CC2D2A: variants seen among roughly 807,000 people sequenced by gnomAD.
The protein encoded by CC2D2A is coiled-coil and C2 domain containing 2A, also known as coiled-coil and C2 domain-containing protein 2A.
In CC2D2A, 155 loss-of-function variants were observed where a neutral mutation model predicts 212.9. The observed-to-expected ratio is 0.73, with a 90% CI of 0.64 to 0.83. The LOEUF is 0.83. Among genes scored for constraint, CC2D2A ranks in the 40% least tolerant of loss-of-function variants. CC2D2A has a pLI of 0.00. For missense variants in CC2D2A, 1,856 were observed against 1,956.2 expected (o/e 0.95, Z 0.97); for synonymous variants, 667 against 686.5 (o/e 0.97, Z 0.44).
chr4:15,481,378 GC>G, intron 4 of CC2D2A: 1 of 358,982 alleles, frequency 2.8e-6, no homozygotes, highest in Non-Finnish European at 5.5e-6. Flanking sequence ...AGGCGTGGTG[GC>G]GCATGCCTGT....
rs548883595 is a variant in CC2D2A, at chr4:15,495,827, G to A, written c.248-6602G>A. 3.9e-5 allele frequency among the ~76,000 whole-genome samples: 6 copies of A among 152,232 alleles called. No homozygotes were observed. The South Asian group carries it at 6.2e-4, about 16-fold the overall frequency. On this transcript the variant is annotated intron_variant, in intron 4 of 36. Transcript: ENST00000424120. Reference sequence around the variant, plus strand: ...TTGCCAGACTGCTTTCCACAGTGGCGGAACTAATTTGCATTCCCACTCACA... The same window carrying A: ...TTGCCAGACTGCTTTCCACAGTGGCAGAACTAATTTGCATTCCCACTCACA...
At chr4:15,586,427 G>T (rs879042282) in intron 31 of CC2D2A, among the ~76,000 whole-genome samples, 181 bp downstream of exon 31, 2 of 152,132 alleles carry the variant, frequency 1.3e-5, no homozygotes, top group Non-Finnish European at 2.9e-5. Flanking sequence ...TCAAGGTTCA[G>T]AAGTTAACAA....
intron 21 of CC2D2A, among the ~76,000 whole-genome samples, chr4:15,558,798 ATGT>A (rs1719419859): frequency 6.6e-6 from 1 of 152,164 alleles, no homozygotes; most frequent in Non-Finnish European, 1.5e-5. Context: ...CTACAGCCAG[ATGT>A]TATATGATTA....
intron 14 of CC2D2A, among the ~76,000 whole-genome samples, chr4:15,534,344 GT>G (rs1028536020): frequency 6.6e-6 from 1 of 152,108 alleles, no homozygotes. Context: ...AAATACATTA[GT>G]TTTTTCTTTT....
intron 6 of CC2D2A, among the ~76,000 whole-genome samples, chr4:15,504,358 C>T (rs200406665): frequency 6.6e-6 from 1 of 152,034 alleles, no homozygotes; most frequent in Non-Finnish European, 1.5e-5. Flanking sequence ...TTTCTTACTA[C>T]AAAAGCCATA....
At chr4:15,472,172 G>C (rs1713874510) in intron 1 of CC2D2A, among the ~76,000 whole-genome samples, 2 of 152,194 alleles carry the variant, frequency 1.3e-5, no homozygotes, top group South Asian at 2.1e-4. Context: ...TTGGGATCAA[G>C]TTCTGAATGT....
At chr4:15,479,183 C>G (rs1373022705) in intron 3 of CC2D2A, 41 of 1,455,724 alleles carry the variant, frequency 2.8e-5, no homozygotes, top group Non-Finnish European at 3.7e-5. Context: ...GAAACTCCCT[C>G]TTTTTCCAAC....
rs1718243847 is a variant in CC2D2A at position 15,538,252 on chromosome 4, C to T, written c.2003+115C>T. 14 of 1,112,332 alleles carry T rather than the reference C, an allele frequency of 1.3e-5. No individual in the cohort carries two copies. In the South Asian group the frequency reaches 2.6e-4, roughly 21 times the overall value. 68.9% of individuals were successfully genotyped at this position (1,112,332 alleles called of 1,614,324 possible). A position where few individuals can be genotyped will look rare whatever the true frequency, so the allele number is the denominator to read the frequency against. The stretch of plus-strand genomic sequence containing the variant: ...GTGTACACTTACTGACCTACACGAG[C>T]ATCAGGAGTATCATTAACTCTAAAT... On this transcript the variant is annotated intron_variant, in intron 16 of 36. Transcript: ENST00000424120.
At chr4:15,473,455 T>C (rs1713969052) in intron 1 of CC2D2A, among the ~76,000 whole-genome samples, 1 of 151,992 alleles carries the variant, frequency 6.6e-6, no homozygotes, top group Admixed American at 6.5e-5. Flanking sequence ...AAAGGAGAAC[T>C]AGGTAGCAGG....
At chr4:15,579,793 T>TCAAACTACAAATTTAATTTAATAAATTA (rs1287577463) in intron 29 of CC2D2A, among the ~76,000 whole-genome samples, 175 bp from the exon 30 acceptor site, 1 of 152,210 alleles carries the variant, frequency 6.6e-6, no homozygotes, top group African/African-American at 2.4e-5. Flanking sequence ...GGTCTAATTT[T>TCAAACTACAAATTTAATTTAATAAATTA]CAAACTACAA....
chr4:15,579,879 A>G (rs1720579865), intron 29 of CC2D2A, 89 bp from the exon 30 acceptor site: 8 of 1,012,326 alleles, frequency 7.9e-6, no homozygotes, highest in Admixed American at 1.9e-5. Context: ...CCCAAACCAT[A>G]CATTTCCTGC....
intron 30 of CC2D2A, among the ~76,000 whole-genome samples, chr4:15,582,106 A>T (rs1720686995): frequency 6.6e-6 from 1 of 152,200 alleles, no homozygotes; most frequent in African/African-American, 2.4e-5. Flanking sequence ...ATTAAAAAAC[A>T]ATAGAGCATT....
At chr4:15,510,063 G>C (rs978250195) in intron 6 of CC2D2A, 76 bp from the exon 7 acceptor site, 3 of 1,080,810 alleles carry the variant, frequency 2.8e-6, no homozygotes, top group Non-Finnish European at 4.2e-6. Context: ...GGGATGGGGG[G>C]GTTAACCTTC....
chr4:15,549,667 G>A (rs1422355742), intron 17 of CC2D2A, among the ~76,000 whole-genome samples: 1 of 152,212 alleles, frequency 6.6e-6, no homozygotes, highest in Non-Finnish European at 1.5e-5. Flanking sequence ...GCCAGGCGTG[G>A]TGGTGGGCGC....
intron 18 of CC2D2A, among the ~76,000 whole-genome samples, chr4:15,552,148 G>C (rs115099469): frequency 1.3e-5 from 2 of 152,018 alleles, no homozygotes; most frequent in African/African-American, 4.8e-5. Context: ...TGCCCAGAGC[G>C]TTTTTACCAT....
rs144439937 is a variant in CC2D2A at position 15,533,245 on chromosome 4, A to G, written c.1519A>G (p.Lys507Glu). The G allele has an allele frequency of 8.5e-3, 13,622 of 1,602,406 alleles. 71 individuals are homozygous for G. Among genetic ancestry groups the G allele is most frequent in the Non-Finnish European group, 0.01 (12,107 of 1,176,378 alleles). ...ACAAGAAAAAGATAGAACATTGCTTAAGACTATCATAAAAGTTTGGAAAGA... is the reference window on the plus strand; with the variant it reads ...ACAAGAAAAAGATAGAACATTGCTTGAGACTATCATAAAAGTTTGGAAAGA... ...AEQEKDRTLL[K>E]TIIKVWKEMK... The change falls in exon 14 of 37, where the codon AAG becomes GAG. Residue 507 changes from lysine (K) to glutamate (E), a missense_variant. By Grantham distance (56) the Lys-to-Glu change is moderately conservative. Transcript: ENST00000424120.
rs781696062 is a variant in CC2D2A at position 15,587,976 on chromosome 4, T to C, written c.4179+47T>C. ...TTAACAGAGGAGTATAGTTGTCTAA[T>C]CGAGTTGTGTGTTCCAGATCACACA... On this transcript the variant is annotated intron_variant, in intron 32 of 36. Transcript: ENST00000424120. The C allele has an allele frequency of 2.8e-6, 3 of 1,064,370 alleles. No individual in the cohort carries two copies. In the South Asian group the frequency reaches 4.2e-5, roughly 15 times the overall value. 65.9% of individuals were successfully genotyped at this position (1,064,370 alleles called of 1,614,324 possible). A position where few individuals can be genotyped will look rare whatever the true frequency, so the allele number is the denominator to read the frequency against.
In CC2D2A at chr4:15,598,707, C is replaced by G. The variant is rs143514873; in HGVS notation, c.4497-822C>G. On this transcript the variant is annotated intron_variant, in intron 35 of 36. Transcript: ENST00000424120. The stretch of plus-strand genomic sequence containing the variant: ...GGCAATTTAGAAAAAAATTAATCAT[C>G]ATGGATAGAATTCACTATTCATGAT... Among the ~76,000 whole-genome samples, 44 of 152,326 alleles carry G rather than the reference C, an allele frequency of 2.9e-4. No individual in the cohort carries two copies. The East Asian group carries it at 8.1e-3, about 28-fold the overall frequency.
At position 15,560,633 on chromosome 4, in the gene CC2D2A, T is replaced by C. The variant is rs760477116; in HGVS notation, c.3014+11T>C. ...AGTTCCCAATATCAGGTAAAAATAA[T>C]CAAAGCCATTATTATCAATTCTTAT... On this transcript the variant is annotated intron_variant, in intron 23 of 36. Transcript: ENST00000424120. 15 of 1,109,664 alleles carry C rather than the reference T, an allele frequency of 1.4e-5. No homozygotes were observed. Among genetic ancestry groups the C allele is most frequent in the Non-Finnish European group, 1.7e-5 (13 of 755,088 alleles). The allele number at this position is 1,109,664 out of a possible 1,614,324, so 68.7% of individuals were successfully genotyped here.
Sources: gnomAD v4.1 joint callset for allele counts (sites outside exome capture counted in the v4.1 genomes callset) on GRCh38, gnomAD v4.1.1 for gene constraint, MANE v1.5 for transcripts, NCBI Gene and HGNC (gene_info 2026-07-23, HGNC 2026-07-21) for gene names.